Variants in RFC1 observed in about 807,000 individuals in gnomAD.
RFC1 encodes A1 140 kDa subunit.
Under a neutral mutation model 137.4 loss-of-function variants are expected in RFC1, and 37 were observed. That is an observed-to-expected ratio of 0.27 (90% CI 0.21 to 0.35). The LOEUF is 0.35. RFC1 is among the 10% of genes least tolerant of loss of function. RFC1 has a pLI of 1.00. For synonymous variants in RFC1, 429 were observed against 455.7 expected, an observed-to-expected ratio of 0.94 and a Z score of 0.75; for missense variants, 1,205 against 1,358.5, an observed-to-expected ratio of 0.89 and a Z score of 1.78.
intron 11 of RFC1, among the ~76,000 whole-genome samples, chr4:39,311,801 T>G (rs551677336): frequency 6.6e-6 from 1 of 152,374 alleles, no homozygotes; most frequent in Admixed American, 6.5e-5. Flanking sequence ...ATTTCTACTT[T>G]TGTGGACTGC....
At position 39,331,424 on chromosome 4, in the gene RFC1, T is replaced by C. The variant is rs149009801; in HGVS notation, c.332-3668A>G. Among the ~76,000 whole-genome samples the C allele has an allele frequency of 3.4e-4, 52 of 152,046 alleles. No individual in the cohort carries two copies. The East Asian group carries it at 9.5e-3, about 28-fold the overall frequency. ...TATGACAGAAAACCCCATAGCTGAG[T>C]GGGTGAGATCAACTACTATGGAGAG... is the stretch of plus-strand genomic sequence containing the variant. On this transcript the variant is annotated intron_variant, in intron 4 of 24. Transcript: ENST00000349703.
chr4:39,295,143 T>C (rs915007950), intron 22 of RFC1, among the ~76,000 whole-genome samples: 1 of 152,252 alleles, frequency 6.6e-6, no homozygotes, highest in Non-Finnish European at 1.5e-5. Flanking sequence ...TCATTTTCAA[T>C]GATCTGAGCA....
Position 39,289,792 on chromosome 4 carries a change from A to T in RFC1, c.3360+56T>A, listed in dbSNP as rs763887188. The T allele has an allele frequency of 2.5e-6, 3 of 1,189,696 alleles. No individual in the cohort carries two copies. In the South Asian group the frequency reaches 3.7e-5, roughly 15 times the overall value. 73.7% of individuals were successfully genotyped at this position (1,189,696 alleles called of 1,614,324 possible). On this transcript the variant is annotated intron_variant, in intron 24 of 24. Coordinates refer to ENST00000349703, the MANE Select transcript of RFC1 (RefSeq NM_002913.5). ...TGCTGAAAAGGCCCTATTATTCACC[A>T]GGCAAGGAAAGATCATCTATTTTGA... is the stretch of plus-strand genomic sequence containing the variant.
intron 4 of RFC1, among the ~76,000 whole-genome samples, chr4:39,332,136 A>G (rs1578146130): frequency 1.3e-5 from 2 of 152,234 alleles, no homozygotes; most frequent in Non-Finnish European, 2.9e-5. Flanking sequence ...TGTAAGTCCA[A>G]TAAACCTCTT....
At chr4:39,310,911 G>A (rs1738932410) in intron 12 of RFC1, among the ~76,000 whole-genome samples, 1 of 152,192 alleles carries the variant, frequency 6.6e-6, no homozygotes, top group African/African-American at 2.4e-5. Context: ...GGACGCTGAA[G>A]TGGGTGAATC....
At chr4:39,335,202 A>C (rs1456024510) in intron 4 of RFC1, among the ~76,000 whole-genome samples, 1 of 152,244 alleles carries the variant, frequency 6.6e-6, no homozygotes, top group African/African-American at 2.4e-5. Flanking sequence ...TTTTCTATAA[A>C]GTTTCTTTTC....
At position 39,308,880 on chromosome 4, in the gene RFC1, A is replaced by T. The variant is rs979799484; in HGVS notation, c.1641T>A (p.Asp547Glu). ...TGAAATCCAGGCTTTTCCAAAACACATCTGTTTCCTTTTTTATTGTCTTTG... is the reference window on the plus strand; with the variant it reads ...TGAAATCCAGGCTTTTCCAAAACACTTCTGTTTCCTTTTTTATTGTCTTTG... ...SLAKTIKKETDVFWKSLDFKE... is the reference protein window; with the variant it reads ...SLAKTIKKETEVFWKSLDFKE... The change falls in exon 13 of 25, where the codon GAT (aspartate) becomes GAA (glutamate). Residue 547 changes from aspartate to glutamate, a missense_variant. By Grantham distance (45) the Asp-to-Glu change is conservative (BLOSUM62 2). Around this residue, in one of 3 missense-constraint regions of RFC1, gnomAD observed 962 missense variants for 1,035.3 expected, o/e 0.93. Coordinates refer to ENST00000349703, the MANE Select transcript of RFC1 (RefSeq NM_002913.5). The T allele has an allele frequency of 2.5e-6, 4 of 1,613,994 alleles. No homozygotes were observed. In the South Asian group the frequency reaches 3.3e-5, roughly 13 times the overall value.
At chr4:39,294,095 T>C (rs1737843215) in intron 22 of RFC1, among the ~76,000 whole-genome samples, 1 of 152,224 alleles carries the variant, frequency 6.6e-6, no homozygotes, top group Non-Finnish European at 1.5e-5. Flanking sequence ...TGAGGGTTGA[T>C]GCCTTCTAAG....
intron 3 of RFC1, among the ~76,000 whole-genome samples, chr4:39,342,796 CTAAG>C (rs967590160): frequency 7.9e-5 from 12 of 152,302 alleles, no homozygotes; most frequent in African/African-American, 2.6e-4. Context: ...TCTGAATACT[CTAAG>C]AAAGAATTTT....
chr4:39,349,519 G>A (rs1299446479), intron 2 of RFC1, among the ~76,000 whole-genome samples: 5 of 152,098 alleles, frequency 3.3e-5, no homozygotes, highest in Admixed American at 2.6e-4. Context: ...AGGACAACAC[G>A]AGAAGGCAGC....
At chr4:39,350,062 T>C (rs1741107841) in intron 2 of RFC1, among the ~76,000 whole-genome samples, 1 of 151,586 alleles carries the variant, frequency 6.6e-6, no homozygotes, top group Non-Finnish European at 1.5e-5. Context: ...AGACAGAAAT[T>C]AAAGCTACAA....
At position 39,320,548 on chromosome 4, in the gene RFC1, G is replaced by C. The variant is rs1284067952; in HGVS notation, c.930C>G (p.Val310=). The C allele has an allele frequency of 1.9e-6, 3 of 1,613,348 alleles. No homozygotes were observed. Among genetic ancestry groups the C allele is most frequent in the Non-Finnish European group, 1.7e-6 (2 of 1,179,884 alleles). ...SKSSADKIGE[V]SSPKASSKLA... is the part of the protein sequence containing the mutation. The stretch of plus-strand genomic sequence containing the variant: ...GCTTAGAACTGGCCTTGGGAGAAGA[G>C]ACTTCTCCTATTTTGTCAGCTGATG... Residue 310 remains valine (V), a synonymous_variant, in exon 9 of 25, where the codon GTC becomes GTG. Coordinates refer to ENST00000349703, the MANE Select transcript of RFC1 (RefSeq NM_002913.5).
chr4:39,350,694 T>C (rs1308104101), intron 2 of RFC1, among the ~76,000 whole-genome samples: 2 of 151,522 alleles, frequency 1.3e-5, no homozygotes, highest in Non-Finnish European at 2.9e-5. Flanking sequence ...CAAAAACTTA[T>C]AGAGGTTTAT....
chr4:39,307,741 A>C (rs557935878), intron 13 of RFC1, among the ~76,000 whole-genome samples: 5 of 151,768 alleles, frequency 3.3e-5, no homozygotes, highest in Non-Finnish European at 5.9e-5. Flanking sequence ...AAAACAAAAA[A>C]AAAACAGTCT....
chr4:39,338,836 CTCA>C (rs1447209847), intron 4 of RFC1, among the ~76,000 whole-genome samples: 2 of 152,068 alleles, frequency 1.3e-5, no homozygotes, highest in Non-Finnish European at 2.9e-5. Flanking sequence ...AACTATAGTC[CTCA>C]TGTTATACAT....
chr4:39,301,532 G>A (rs921142486), intron 19 of RFC1, among the ~76,000 whole-genome samples: 9 of 152,104 alleles, frequency 5.9e-5, no homozygotes, highest in Non-Finnish European at 8.8e-5. Flanking sequence ...CGTGTGAGGG[G>A]GACATGAAGT....
At chr4:39,355,517 G>C (rs529207305) in intron 1 of RFC1, among the ~76,000 whole-genome samples, 1 of 151,898 alleles carries the variant, frequency 6.6e-6, no homozygotes, top group Admixed American at 6.6e-5. Context: ...ATAAATAAAA[G>C]CTCCTAATAG....
At chr4:39,344,734 C>G (rs1403249283) in intron 3 of RFC1, among the ~76,000 whole-genome samples, 1 of 152,062 alleles carries the variant, frequency 6.6e-6, no homozygotes, top group Admixed American at 6.6e-5. Context: ...GCAGTGAGCC[C>G]AGATCGCACC....
chr4:39,364,850 T>G (rs553634436), intron 1 of RFC1, among the ~76,000 whole-genome samples: 1 of 152,276 alleles, frequency 6.6e-6, no homozygotes, highest in East Asian at 1.9e-4. Flanking sequence ...CAAGACCACG[T>G]AACTATTAAA....
Sources: gnomAD v4.1 joint callset for allele counts (sites outside exome capture counted in the v4.1 genomes callset) on GRCh38, gnomAD v4.1.1 for gene constraint, gnomAD v4.1.1 regional missense constraint, MANE v1.5 for transcripts, NCBI Gene and HGNC (gene_info 2026-07-23, HGNC 2026-07-21) for gene names.